Variants in C1QTNF3 observed in about 807,000 individuals in gnomAD.
C1QTNF3 encodes the protein C1q and TNF related 3.
In C1QTNF3, 26 loss-of-function variants were observed where a neutral mutation model predicts 32.6. That is an observed-to-expected ratio of 0.80 (90% CI 0.58 to 1.11). C1QTNF3 has a LOEUF of 1.11. Among genes scored for constraint, C1QTNF3 ranks in the 50% least tolerant of loss-of-function variants. The pLI is 0.00. For synonymous variants in C1QTNF3, 155 were observed against 146.0 expected, an observed-to-expected ratio of 1.06 and a Z score of -0.44; for missense variants, 362 against 398.2, an observed-to-expected ratio of 0.91 and a Z score of 0.77.
the C1QTNF3 span, among the ~76,000 whole-genome samples, chr5:34,069,439 T>A: frequency 6.6e-6 from 1 of 152,158 alleles, no homozygotes; most frequent in African/African-American, 2.4e-5. Flanking sequence ...TACTATCCCC[T>A]CTGTCACAAA....
At chr5:34,041,714 G>A (rs766982849) in intron 1 of C1QTNF3, among the ~76,000 whole-genome samples, 1 of 151,998 alleles carries the variant, frequency 6.6e-6, no homozygotes, top group Non-Finnish European at 1.5e-5. Context: ...TTCTCTGGAT[G>A]CATCCCCCAC....
At chr5:34,150,404 A>G in the C1QTNF3 span, among the ~76,000 whole-genome samples, 2 of 94,226 alleles carry the variant, frequency 2.1e-5, no homozygotes, top group Non-Finnish European at 4.2e-5. Flanking sequence ...CAGAATATAC[A>G]TTTTTTTCAG....
chr5:34,037,493 T>C (rs1754769646), intron 1 of C1QTNF3, among the ~76,000 whole-genome samples: 1 of 152,232 alleles, frequency 6.6e-6, no homozygotes, highest in Non-Finnish European at 1.5e-5. Flanking sequence ...AATTTTGTTC[T>C]CACTCTCTCA....
At chr5:34,173,820 A>G in the C1QTNF3 span, among the ~76,000 whole-genome samples, 10 of 149,798 alleles carry the variant, frequency 6.7e-5, no homozygotes, top group African/African-American at 2.2e-4. Context: ...CTGAAGTTAA[A>G]ATGTTCTCCT....
the C1QTNF3 span, among the ~76,000 whole-genome samples, chr5:34,147,739 G>A: frequency 6.6e-6 from 1 of 152,224 alleles, no homozygotes; most frequent in East Asian, 1.9e-4. Flanking sequence ...TGGGTGATGT[G>A]ATGCATACCC....
the C1QTNF3 span, among the ~76,000 whole-genome samples, chr5:34,103,534 G>A: frequency 6.8e-6 from 1 of 146,846 alleles, no homozygotes; most frequent in Non-Finnish European, 1.5e-5. Flanking sequence ...TAAAAAACAG[G>A]TAGTCTGGAC....
At chr5:34,039,492 A>T (rs1754817184) in intron 1 of C1QTNF3, among the ~76,000 whole-genome samples, 3 of 152,132 alleles carry the variant, frequency 2.0e-5, no homozygotes, top group Admixed American at 1.3e-4. Flanking sequence ...GTGTGGATTC[A>T]CTTTTGGTAA....
chr5:34,163,240 A>G, the C1QTNF3 span, among the ~76,000 whole-genome samples: 1 of 152,112 alleles, frequency 6.6e-6, no homozygotes, highest in African/African-American at 2.4e-5. Context: ...AAAGATTCTG[A>G]GCTTAATTTC....
At chr5:34,053,870 A>G in the C1QTNF3 span, among the ~76,000 whole-genome samples, 2 of 152,164 alleles carry the variant, frequency 1.3e-5, no homozygotes, top group Non-Finnish European at 2.9e-5. Context: ...TAGTACAATG[A>G]GATGTTGCTC....
the C1QTNF3 span, among the ~76,000 whole-genome samples, chr5:34,102,639 C>A: frequency 2.6e-5 from 4 of 151,368 alleles, no homozygotes; most frequent in African/African-American, 9.7e-5. Context: ...TAAAGAAACA[C>A]TGAATTACCC....
the C1QTNF3 span, among the ~76,000 whole-genome samples, chr5:34,056,616 G>T: frequency 6.6e-6 from 1 of 151,332 alleles, no homozygotes; most frequent in Admixed American, 6.6e-5. Context: ...GGGCTCAAGT[G>T]ATCCTCCGAC....
At chr5:34,106,444 A>C in the C1QTNF3 span, 3 of 149,462 alleles carry the variant, frequency 2.0e-5, no homozygotes, top group African/African-American at 7.4e-5. Context: ...ATTAGGGAAT[A>C]ACCTGTTCCA....
At chr5:34,042,165 C>T (rs965845533) in intron 1 of C1QTNF3, among the ~76,000 whole-genome samples, 1 of 151,868 alleles carries the variant, frequency 6.6e-6, no homozygotes, top group Non-Finnish European at 1.5e-5. Context: ...GAATTTATAA[C>T]CTGAGAAATA....
chr5:34,176,406 T>TA, the C1QTNF3 span, among the ~76,000 whole-genome samples: 430 of 94,392 alleles, frequency 4.6e-3, 4 homozygotes, highest in African/African-American at 0.013. Context: ...CGTATAATAA[T>TA]AAAAAAAAAA....
the C1QTNF3 span, among the ~76,000 whole-genome samples, chr5:34,062,128 T>C: frequency 2.0e-5 from 3 of 152,198 alleles, no homozygotes; most frequent in Non-Finnish European, 2.9e-5. Flanking sequence ...AGGGCAAAAA[T>C]GCCACCAGTC....
chr5:34,132,417 A>G, the C1QTNF3 span, among the ~76,000 whole-genome samples: 3 of 112,024 alleles, frequency 2.7e-5, no homozygotes, highest in African/African-American at 1.1e-4. Flanking sequence ...ATATATATAT[A>G]TGTATGTGTA....
At chr5:34,189,280 G>A in the C1QTNF3 span, among the ~76,000 whole-genome samples, 3 of 151,998 alleles carry the variant, frequency 2.0e-5, no homozygotes, top group African/African-American at 7.3e-5. Context: ...GCAATGGTGC[G>A]ATCTCAGCTC....
the C1QTNF3 span, among the ~76,000 whole-genome samples, chr5:34,077,158 T>C: frequency 2.0e-5 from 3 of 151,714 alleles, no homozygotes; most frequent in Non-Finnish European, 4.4e-5. Flanking sequence ...AAAGAAGAAA[T>C]ATTTTTCTTT....
the C1QTNF3 span, among the ~76,000 whole-genome samples, chr5:34,156,803 TAC>T: frequency 1.3e-5 from 2 of 152,342 alleles, no homozygotes; most frequent in South Asian, 4.1e-4. Flanking sequence ...ATGGAATATA[TAC>T]GTGGTCTTAG....
Sources: allele counts gnomAD v4.1 joint callset (sites outside exome capture counted in the v4.1 genomes callset), GRCh38; gene constraint gnomAD v4.1.1; transcripts MANE v1.5; gene names NCBI Gene and HGNC (gene_info 2026-07-23, HGNC 2026-07-21).